Variants in SYT16 observed in about 807,000 individuals in gnomAD.
The protein encoded by SYT16 is synaptotagmin-16.
Under a neutral mutation model 61.4 loss-of-function variants are expected in SYT16, and 42 were observed. That is an observed-to-expected ratio of 0.68 (90% confidence interval 0.53 to 0.89). SYT16 has a LOEUF of 0.89. SYT16 is among the 40% of genes least tolerant of loss of function. The pLI is 0.00. For synonymous variants in SYT16, 314 were observed against 302.3 expected (o/e 1.04, Z -0.40); for missense variants, 804 against 807.3 (o/e 1.00, Z 0.05).
At chr14:61,855,326 A>G (rs2046740489) in intron 1 of SYT16, among the ~76,000 whole-genome samples, 1 of 152,204 alleles carries the variant, frequency 6.6e-6, no homozygotes, top group South Asian at 2.1e-4. Flanking sequence ...TTGACTTATG[A>G]TGGGGTTGTG....
At chr14:61,982,992 A>G (rs914624478) in intron 2 of SYT16, among the ~76,000 whole-genome samples, 1 of 152,186 alleles carries the variant, frequency 6.6e-6, no homozygotes, top group Non-Finnish European at 1.5e-5. Flanking sequence ...CCTAATATTT[A>G]TTACACTTTA....
At chr14:61,920,928 G>A (rs1282797242) in intron 1 of SYT16, among the ~76,000 whole-genome samples, 1 of 152,156 alleles carries the variant, frequency 6.6e-6, no homozygotes, top group Non-Finnish European at 1.5e-5. Context: ...ACCCTTTACA[G>A]TCTGACTCCA....
chr14:61,926,176 A>G (rs1443261314), intron 1 of SYT16, among the ~76,000 whole-genome samples: 1 of 152,148 alleles, frequency 6.6e-6, no homozygotes, highest in African/African-American at 2.4e-5. Flanking sequence ...AAAAAAATCT[A>G]GACATTAGAT....
intron 2 of SYT16, among the ~76,000 whole-genome samples, chr14:61,993,815 C>T (rs77321811): frequency 0.019 from 2,954 of 152,232 alleles, 54 homozygotes; most frequent in South Asian, 0.029. Context: ...TTACTGAGTA[C>T]ATAATATATG....
chr14:61,850,691 A>G (rs759889473), intron 1 of SYT16, among the ~76,000 whole-genome samples: 1 of 152,106 alleles, frequency 6.6e-6, no homozygotes, highest in Non-Finnish European at 1.5e-5. Context: ...ACAAAAATCT[A>G]TTGCTTTGGT....
intron 3 of SYT16, among the ~76,000 whole-genome samples, chr14:62,061,004 G>A (rs1039913033): frequency 6.6e-6 from 1 of 152,070 alleles, no homozygotes; most frequent in East Asian, 1.9e-4. Context: ...GATAATAAAA[G>A]ATACAGTATT....
intron 1 of SYT16, among the ~76,000 whole-genome samples, chr14:61,968,584 G>A (rs2051414797): frequency 6.6e-6 from 1 of 152,172 alleles, no homozygotes; most frequent in Non-Finnish European, 1.5e-5. Flanking sequence ...TTGGTGATGA[G>A]AAAGATGGTT....
At chr14:61,923,258 C>A (rs981611161) in intron 1 of SYT16, among the ~76,000 whole-genome samples, 8 of 152,132 alleles carry the variant, frequency 5.3e-5, no homozygotes, top group African/African-American at 1.9e-4. Flanking sequence ...TAACAACTCT[C>A]TCTCTCTACC....
At chr14:61,971,522 A>T (rs940471215) in intron 2 of SYT16, among the ~76,000 whole-genome samples, 3 of 152,178 alleles carry the variant, frequency 2.0e-5, no homozygotes, top group Non-Finnish European at 2.9e-5. Context: ...GGAGTGAGAG[A>T]TCCATGAGAA....
chr14:62,079,350 A>G, intron 5 of SYT16: 1 of 1,207,994 alleles, frequency 8.3e-7, no homozygotes, highest in Non-Finnish European at 1.1e-6. Flanking sequence ...GCTAATTTGA[A>G]TCTTAAAAGA....
chr14:61,908,486 T>A (rs1306059428), intron 1 of SYT16, among the ~76,000 whole-genome samples: 2 of 152,188 alleles, frequency 1.3e-5, no homozygotes, highest in Non-Finnish European at 2.9e-5. Flanking sequence ...ACGTCGGGAA[T>A]AGGAATTAGA....
chr14:62,029,632 C>T (rs2140797871), intron 3 of SYT16, among the ~76,000 whole-genome samples: 1 of 152,274 alleles, frequency 6.6e-6, no homozygotes, highest in Admixed American at 6.5e-5. Flanking sequence ...CACACACCTG[C>T]TTTGCAAATT....
intron 1 of SYT16, among the ~76,000 whole-genome samples, chr14:61,869,723 A>G (rs915439217): frequency 6.6e-6 from 1 of 152,164 alleles, no homozygotes; most frequent in Non-Finnish European, 1.5e-5. Flanking sequence ...TGGATCCCTC[A>G]TGAATGAGAT....
chr14:61,895,609 G>A (rs796094973), intron 1 of SYT16, among the ~76,000 whole-genome samples: 22 of 152,260 alleles, frequency 1.4e-4, no homozygotes, highest in African/African-American at 4.8e-4. Flanking sequence ...AATATTAGCT[G>A]TATTTTACTA....
chr14:61,966,421 T>C (rs1314743685), intron 1 of SYT16, among the ~76,000 whole-genome samples: 1 of 152,150 alleles, frequency 6.6e-6, no homozygotes, highest in Non-Finnish European at 1.5e-5. Context: ...TATTTTCTAA[T>C]ATTTTCCAAA....
chr14:62,027,825 C>T (rs2054160297), intron 3 of SYT16, among the ~76,000 whole-genome samples: 1 of 152,088 alleles, frequency 6.6e-6, no homozygotes, highest in African/African-American at 2.4e-5. Context: ...TTTTTGCCTT[C>T]CCCAAGCTGC....
At chr14:61,901,398 C>T (rs1390595667) in intron 1 of SYT16, among the ~76,000 whole-genome samples, 2 of 152,148 alleles carry the variant, frequency 1.3e-5, no homozygotes, top group Admixed American at 1.3e-4. Flanking sequence ...TTGCTAGTTA[C>T]AGGTGAGGAA....
intron 1 of SYT16, among the ~76,000 whole-genome samples, chr14:61,826,475 T>C (rs1489664159): frequency 1.3e-5 from 2 of 152,012 alleles, no homozygotes; most frequent in Non-Finnish European, 2.9e-5. Flanking sequence ...GATTCCAATT[T>C]CCTGTCTCTG....
At chr14:61,942,642 A>G (rs1356137565) in intron 1 of SYT16, among the ~76,000 whole-genome samples, 1 of 152,072 alleles carries the variant, frequency 6.6e-6, no homozygotes, top group Non-Finnish European at 1.5e-5. Flanking sequence ...TTTGGTTTTG[A>G]ATTGATATTT....
Sources: gnomAD v4.1 joint callset for allele counts (sites outside exome capture counted in the v4.1 genomes callset) on GRCh38, gnomAD v4.1.1 for gene constraint, MANE v1.5 for transcripts, NCBI Gene and HGNC (gene_info 2026-07-23, HGNC 2026-07-21) for gene names.